ROR1: variants seen among roughly 807,000 people sequenced by gnomAD.
ROR1 encodes the protein inactive tyrosine-protein kinase transmembrane receptor ROR1.
In ROR1, 19 loss-of-function variants were observed where a neutral mutation model predicts 78.8. The observed-to-expected ratio is 0.24, with a 90% CI of 0.17 to 0.35. ROR1 has a LOEUF of 0.35. Ranked by LOEUF, ROR1 falls within the 10% of genes least tolerant of loss-of-function variation. ROR1 has a pLI of 1.00. For synonymous variants in ROR1, 386 were observed against 433.6 expected, an observed-to-expected ratio of 0.89 and a Z score of 1.36; for missense variants, 917 against 1,177.8, an observed-to-expected ratio of 0.78 and a Z score of 3.24.
At chr1:64,114,665 C>CTTTTCTGA (rs1344668293) in intron 4 of ROR1, among the ~76,000 whole-genome samples, 1 of 152,170 alleles carries the variant, frequency 6.6e-6, no homozygotes, top group African/African-American at 2.4e-5. Flanking sequence ...GGCACATTGC[C>CTTTTCTGA]TTTTCTGATT....
intron 1 of ROR1, among the ~76,000 whole-genome samples, chr1:63,980,928 C>CTTT (rs1646205380): frequency 6.6e-6 from 1 of 152,206 alleles, no homozygotes; most frequent in Admixed American, 6.5e-5. Context: ...ACAGCACAGA[C>CTTT]GGAAAAGCTC....
At chr1:64,057,346 G>A (rs183795576) in intron 4 of ROR1, among the ~76,000 whole-genome samples, 4 of 152,168 alleles carry the variant, frequency 2.6e-5, no homozygotes, top group African/African-American at 9.7e-5. Context: ...GTTCTACATA[G>A]TCTTGATTAC....
intron 1 of ROR1, among the ~76,000 whole-genome samples, chr1:63,851,406 G>A (rs185165252): frequency 3.0e-4 from 46 of 152,220 alleles, no homozygotes; most frequent in African/African-American, 4.6e-4. Context: ...GCTTTAAAAC[G>A]TCTTAAAAAT....
rs201316649 is a variant in ROR1, at chr1:63,887,406, G to A, written c.91+112898G>A. ...TGTTTACTTTATTCTTGCTGTTGAG[G>A]TATAATTAATATAGATGAATTATGT... On this transcript the variant is annotated intron_variant, in intron 1 of 8. Transcript: ENST00000371079. 7.2e-5 allele frequency among the ~76,000 whole-genome samples: 11 copies of A among 152,204 alleles called. No individual in the cohort carries two copies. In the East Asian group the frequency reaches 2.1e-3, roughly 29 times the overall value.
intron 4 of ROR1, among the ~76,000 whole-genome samples, chr1:64,067,316 C>T (rs1351401594): frequency 6.6e-6 from 1 of 151,506 alleles, no homozygotes; most frequent in Non-Finnish European, 1.5e-5. Context: ...TACTGTACTC[C>T]AGCCTGGGCA....
chr1:63,992,689 A>ATCACCC (rs149863019), intron 1 of ROR1, among the ~76,000 whole-genome samples: 10 of 152,356 alleles, frequency 6.6e-5, no homozygotes, highest in African/African-American at 2.2e-4. Flanking sequence ...CATTTGGCAC[A>ATCACCC]TCACCCTCTA....
At chr1:64,077,615 GC>G (rs1647061944) in intron 4 of ROR1, among the ~76,000 whole-genome samples, 1 of 152,192 alleles carries the variant, frequency 6.6e-6, no homozygotes, top group South Asian at 2.1e-4. Flanking sequence ...GGCAACCCTG[GC>G]CCACAAAGGA....
intron 1 of ROR1, among the ~76,000 whole-genome samples, chr1:63,920,039 T>C (rs1443648565): frequency 6.6e-6 from 1 of 152,182 alleles, no homozygotes; most frequent in African/African-American, 2.4e-5. Flanking sequence ...TTAAAAGTGA[T>C]GGGAAATCCA....
rs1183565867 is a variant in ROR1 at position 64,076,073 on chromosome 1, GAAGA to G, written c.482+25359_482+25362del. Among the ~76,000 whole-genome samples, 314 of 152,310 alleles carry G rather than the reference GAAGA, an allele frequency of 2.1e-3. 2 individuals are homozygous for G. Among genetic ancestry groups the G allele is most frequent in the African/African-American group, 7.4e-3 (308 of 41,556 alleles). On this transcript the variant is annotated intron_variant, in intron 4 of 8. Transcript: ENST00000371079. ...TCTCCTACCCTTCTTGCTGACAGAG[GAAGA>G]AGAATCCCACTACCTTTTAGCTGGA...
At chr1:64,000,797 C>G (rs1646376810) in intron 1 of ROR1, among the ~76,000 whole-genome samples, 1 of 152,204 alleles carries the variant, frequency 6.6e-6, no homozygotes, top group African/African-American at 2.4e-5. Flanking sequence ...GGGATTCCTC[C>G]TCCCCAAACG....
intron 1 of ROR1, among the ~76,000 whole-genome samples, chr1:63,823,563 C>G (rs944864918): frequency 6.7e-5 from 10 of 149,640 alleles, no homozygotes; most frequent in African/African-American, 2.5e-4. Flanking sequence ...GATCTTCCTG[C>G]CTCAGCTTCC....
intron 4 of ROR1, among the ~76,000 whole-genome samples, chr1:64,073,008 A>G (rs1398429215): frequency 1.3e-5 from 2 of 152,164 alleles, no homozygotes; most frequent in East Asian, 1.9e-4. Flanking sequence ...TTTAAAGGAA[A>G]TGCTAACTGC....
At chr1:63,881,564 C>T (rs1369295433) in intron 1 of ROR1, among the ~76,000 whole-genome samples, 1 of 152,072 alleles carries the variant, frequency 6.6e-6, no homozygotes, top group Admixed American at 6.6e-5. Context: ...GAATATTAAT[C>T]ACAATTAGTG....
chr1:63,965,180 G>T (rs1273153274), intron 1 of ROR1, among the ~76,000 whole-genome samples: 1 of 152,046 alleles, frequency 6.6e-6, no homozygotes, highest in East Asian at 1.9e-4. Flanking sequence ...TAAGAAATTT[G>T]CCCAACGTTA....
chr1:64,096,582 T>A (rs1041905965), intron 4 of ROR1, among the ~76,000 whole-genome samples: 19 of 152,322 alleles, frequency 1.2e-4, no homozygotes, highest in East Asian at 1.9e-4. Flanking sequence ...TTCTTTTTTA[T>A]GGCTGCATTG....
intron 2 of ROR1, among the ~76,000 whole-genome samples, chr1:64,018,301 C>G (rs2100553640): frequency 6.6e-6 from 1 of 152,308 alleles, no homozygotes; most frequent in African/African-American, 2.4e-5. Flanking sequence ...TCCTGCTTCT[C>G]CTTCTCCACC....
chr1:64,080,091 T>A (rs2100630202), intron 4 of ROR1, among the ~76,000 whole-genome samples: 1 of 152,328 alleles, frequency 6.6e-6, no homozygotes, highest in South Asian at 2.1e-4. Context: ...CTTCTCATCA[T>A]GAAAGATGTT....
intron 1 of ROR1, among the ~76,000 whole-genome samples, chr1:63,831,199 T>C (rs1644986217): frequency 6.6e-6 from 1 of 152,224 alleles, no homozygotes; most frequent in Non-Finnish European, 1.5e-5. Flanking sequence ...TCTACCATTC[T>C]GGGATCTAGA....
intron 1 of ROR1, chr1:63,775,269 G>T (rs7517350): frequency 0.18 from 27,754 of 152,144 alleles, 3,362 homozygotes; most frequent in African/African-American, 0.35. Context: ...AAAGACAATC[G>T]CAACAGTTAG....
Sources: gnomAD v4.1 joint callset for allele counts (sites outside exome capture counted in the v4.1 genomes callset) on GRCh38, gnomAD v4.1.1 for gene constraint, MANE v1.5 for transcripts, NCBI Gene and HGNC (gene_info 2026-07-23, HGNC 2026-07-21) for gene names.